The following GRIN2A variants were observed in gnomAD, a reference collection of about 807,000 sequenced individuals.
The protein encoded by GRIN2A is glutamate receptor ionotropic, NMDA 2A.
A neutral mutation model predicts 113.4 loss-of-function variants in GRIN2A; 22 were observed. The ratio of observed to expected loss-of-function variants is 0.19; its 90% CI spans 0.14 to 0.28. The LOEUF (loss-of-function observed/expected upper bound fraction) is 0.28, where lower values mean the gene tolerates loss of function less well. Among genes scored for constraint, GRIN2A ranks in the 10% least tolerant of loss-of-function variants. The probability of loss-of-function intolerance (pLI) is 1.00; values close to 1 mark genes in which losing one functional copy is unlikely to be tolerated. For synonymous variants in GRIN2A, 827 were observed against 738.4 expected (o/e 1.12, Z -1.94); for missense variants, 1,502 against 1,887.0 (o/e 0.80, Z 3.78).
chr16:10,067,619 T>C (rs913465045), intron 2 of GRIN2A, among the ~76,000 whole-genome samples: 1 of 150,636 alleles, frequency 6.6e-6, no homozygotes, highest in Non-Finnish European at 1.5e-5. Flanking sequence ...TGAGAAAGAG[T>C]CCAGGAGAAA....
chr16:9,955,344 G>C (rs149134719), intron 2 of GRIN2A, among the ~76,000 whole-genome samples: 1 of 152,256 alleles, frequency 6.6e-6, no homozygotes, highest in Non-Finnish European at 1.5e-5. Context: ...TCCTTGAACT[G>C]TTCTTACCTT....
rs140136379 is a variant in GRIN2A at position 10,180,160 on chromosome 16, C to T, written c.252G>A (p.Thr84=). The T allele has an allele frequency of 1.2e-6, 2 of 1,614,182 alleles. No individual in the cohort carries two copies. Among genetic ancestry groups the T allele is most frequent in the Non-Finnish European group, 1.7e-6 (2 of 1,180,038 alleles). ...CCCCGGACATGAGGTCGCACACGTGCGTGATGAGGCTCTTGGGGTCGGTGC... is the reference window on the plus strand; with the variant it reads ...CCCCGGACATGAGGTCGCACACGTGTGTGATGAGGCTCTTGGGGTCGGTGC... ...MNRTDPKSLI[T]HVCDLMSGAR... The change falls in exon 2 of 13, where the codon ACG becomes ACA. Residue 84 remains threonine (T), a synonymous_variant. Transcript: ENST00000330684. The surrounding 1 kb of genome is among the most constrained non-coding windows in gnomAD (Gnocchi z 7.0).
intron 2 of GRIN2A, among the ~76,000 whole-genome samples, chr16:10,010,244 T>A (rs1023384578): frequency 6.6e-6 from 1 of 152,264 alleles, no homozygotes; most frequent in African/African-American, 2.4e-5. Context: ...ATCTAGCTTT[T>A]ACTTTGTACA....
rs72783910 is a variant in GRIN2A, at chr16:9,878,769, C to A, written c.1122+12217G>T. Among the ~76,000 whole-genome samples, 1,212 of 152,128 alleles carry A rather than the reference C, an allele frequency of 8.0e-3. 8 individuals carry two copies. Among genetic ancestry groups the A allele is most frequent in the Non-Finnish European group, 0.01 (703 of 68,002 alleles). ...GTTGCTCTGCAGGAGAGCGCCTGTTCAACTGCTGTTCTTTTTGGAGTTGGG... is the reference window on the plus strand; with the variant it reads ...GTTGCTCTGCAGGAGAGCGCCTGTTAAACTGCTGTTCTTTTTGGAGTTGGG... On this transcript the variant is annotated intron_variant, in intron 4 of 12. Transcript: ENST00000330684.
At chr16:10,171,420 T>C (rs777951762) in intron 2 of GRIN2A, 6 of 152,206 alleles carry the variant, frequency 3.9e-5, no homozygotes, top group African/African-American at 1.2e-4. Flanking sequence ...TATGGTCCAG[T>C]TGGTGGAGTC....
intron 2 of GRIN2A, chr16:10,111,817 G>C (rs2048620325): frequency 2.3e-6 from 3 of 1,301,922 alleles, no homozygotes; most frequent in African/African-American, 2.9e-5. Flanking sequence ...CCTCATCACT[G>C]AGATGGGCAC....
chr16:10,038,834 T>A (rs2047085446), intron 2 of GRIN2A, among the ~76,000 whole-genome samples: 1 of 146,316 alleles, frequency 6.8e-6, no homozygotes, highest in South Asian at 2.2e-4. Context: ...GGCGACAGAA[T>A]GAGACTCCTT....
At chr16:9,819,836 G>A (rs906251159) in intron 10 of GRIN2A, among the ~76,000 whole-genome samples, 1 of 143,358 alleles carries the variant, frequency 7.0e-6, no homozygotes, top group Admixed American at 7.4e-5. Context: ...GTTGAGAATC[G>A]TTTGAACCTG....
intron 3 of GRIN2A, among the ~76,000 whole-genome samples, chr16:9,911,972 A>G (rs1358942511): frequency 1.3e-5 from 2 of 152,134 alleles, no homozygotes; most frequent in African/African-American, 4.8e-5. Context: ...AGTTTTCTCA[A>G]CTGTAAGATG....
chr16:10,045,233 C>A (rs180801569), intron 2 of GRIN2A, among the ~76,000 whole-genome samples: 1 of 152,178 alleles, frequency 6.6e-6, no homozygotes, highest in Non-Finnish European at 1.5e-5. Context: ...ATGTATCCCA[C>A]GAGCTCAAAA....
At chr16:10,063,108 C>T (rs2047579405) in intron 2 of GRIN2A, among the ~76,000 whole-genome samples, 1 of 152,152 alleles carries the variant, frequency 6.6e-6, no homozygotes, top group African/African-American at 2.4e-5. Flanking sequence ...TTATCCTAAG[C>T]AAATTAACAC....
At chr16:10,055,610 C>T (rs1435503565) in intron 2 of GRIN2A, among the ~76,000 whole-genome samples, 2 of 152,210 alleles carry the variant, frequency 1.3e-5, no homozygotes, top group Non-Finnish European at 2.9e-5. Context: ...CACCAAGCTG[C>T]AAACTCCCTA....
intron 2 of GRIN2A, among the ~76,000 whole-genome samples, chr16:10,156,343 T>C (rs1695886004): frequency 6.6e-6 from 1 of 152,230 alleles, no homozygotes; most frequent in Admixed American, 6.5e-5. Flanking sequence ...ACGATTAAAC[T>C]GTCACTTCCT....
chr16:10,097,865 T>C (rs1027681378), intron 2 of GRIN2A, among the ~76,000 whole-genome samples: 5 of 152,180 alleles, frequency 3.3e-5, no homozygotes, highest in Non-Finnish European at 2.9e-5. Context: ...GGAAAATCCC[T>C]TCTAGACATT....
chr16:10,104,529 G>C (rs1380485189), intron 2 of GRIN2A, among the ~76,000 whole-genome samples: 1 of 152,182 alleles, frequency 6.6e-6, no homozygotes, highest in Non-Finnish European at 1.5e-5. Context: ...CATCTGATTA[G>C]ATCAAAAGCA....
chr16:9,971,996 C>T (rs958715727), intron 2 of GRIN2A, among the ~76,000 whole-genome samples: 1 of 141,070 alleles, frequency 7.1e-6, no homozygotes, highest in Non-Finnish European at 1.6e-5. Flanking sequence ...GAGCCAACCT[C>T]TTTCTGGCCT....
At chr16:10,125,725 AG>A (rs1175499802) in intron 2 of GRIN2A, among the ~76,000 whole-genome samples, 24 of 151,780 alleles carry the variant, frequency 1.6e-4, no homozygotes, top group Non-Finnish European at 5.9e-5. Context: ...CCAGGGGAAG[AG>A]GCTGCCTTGC....
chr16:10,162,984 T>C (rs759525583), intron 2 of GRIN2A, among the ~76,000 whole-genome samples: 37 of 152,214 alleles, frequency 2.4e-4, no homozygotes, highest in African/African-American at 5.5e-4. Context: ...CTTTTGAAAG[T>C]TGATCTTTAA....
chr16:9,814,219 C>T lies in GRIN2A; in HGVS notation c.2168+8045G>A, dbSNP rs963205056. Among the ~76,000 whole-genome samples, 5 of 152,188 alleles carry T rather than the reference C, an allele frequency of 3.3e-5. No homozygotes were observed. In the East Asian group the frequency reaches 7.7e-4, roughly 23 times the overall value. On this transcript the variant is annotated intron_variant, in intron 10 of 12. Coordinates refer to ENST00000330684, the MANE Select transcript of GRIN2A (RefSeq NM_001134407.3). Reference sequence around the variant, plus strand: ...TCTAACTTTAGTTTTAAATTCTCCCCTGAACCATAACCCCGTATTTCCAAC... The same window carrying T: ...TCTAACTTTAGTTTTAAATTCTCCCTTGAACCATAACCCCGTATTTCCAAC...
Sources: gnomAD v4.1 joint callset for allele counts (sites outside exome capture counted in the v4.1 genomes callset) on GRCh38, gnomAD v4.1.1 for gene constraint, Gnocchi (gnomAD v3.1) non-coding constraint, MANE v1.5 for transcripts, NCBI Gene and HGNC (gene_info 2026-07-23, HGNC 2026-07-21) for gene names.